ADAM18: variants seen among roughly 807,000 people sequenced by gnomAD.
ADAM18 encodes disintegrin and metalloproteinase domain-containing protein 18.
ADAM18 carries 117 observed loss-of-function variants against 94.4 expected under a neutral mutation model. The ratio of observed to expected loss-of-function variants is 1.24; its 90% CI spans 1.07 to 1.45. The LOEUF (loss-of-function observed/expected upper bound fraction) is 1.45. Ranked by LOEUF, ADAM18 falls within the 40% of genes most tolerant of loss-of-function variation. ADAM18 has a pLI of 0.00. For synonymous variants in ADAM18, 327 were observed against 291.6 expected (o/e 1.12, Z -1.24); for missense variants, 936 against 880.0 (o/e 1.06, Z -0.81).
At position 39,716,249 on chromosome 8, in the gene ADAM18, A is replaced by G. The variant is rs188728611; in HGVS notation, c.2018-7499A>G. Reference sequence around the variant, plus strand: ...TTTCTGCTAATTTTGGGCAAAGTTCATTTTTCTCTTTCTAGTTCTTTGAAG... The same window carrying G: ...TTTCTGCTAATTTTGGGCAAAGTTCGTTTTTCTCTTTCTAGTTCTTTGAAG... On this transcript the variant is annotated intron_variant, in intron 18 of 19. Coordinates refer to ENST00000265707, the MANE Select transcript of ADAM18 (RefSeq NM_014237.3). 9.3e-4 allele frequency among the ~76,000 whole-genome samples: 141 copies of G among 151,232 alleles called. 2 individuals are homozygous for G. The highest frequency in any genetic ancestry group is 6.1e-4 in the Non-Finnish European group (41 of 67,686).
intron 12 of ADAM18, among the ~76,000 whole-genome samples, chr8:39,655,443 TA>T (rs1165840485): frequency 6.6e-6 from 1 of 152,028 alleles, no homozygotes; most frequent in Non-Finnish European, 1.5e-5. Flanking sequence ...TTACAGAATG[TA>T]AAAAAAGTGA....
At chr8:39,591,525 G>A (rs560269186) in intron 2 of ADAM18, among the ~76,000 whole-genome samples, 102 of 152,188 alleles carry the variant, frequency 6.7e-4, no homozygotes, top group Middle Eastern at 3.4e-3. Context: ...ACTCCTCATC[G>A]ATTCAAGTTT....
chr8:39,700,873 G>T (rs1056776311), intron 17 of ADAM18, among the ~76,000 whole-genome samples: 1 of 151,636 alleles, frequency 6.6e-6, no homozygotes, highest in African/African-American at 2.4e-5. Context: ...AATGCACTTT[G>T]GGAGGCCGAG....
intron 18 of ADAM18, among the ~76,000 whole-genome samples, chr8:39,716,161 TTTTG>T (rs139230836): frequency 0.35 from 53,517 of 151,416 alleles, 10,832 homozygotes; most frequent in East Asian, 0.75. Context: ...TTTCACTGAT[TTTTG>T]TTTGTTTGTT....
At chr8:39,721,924 A>T (rs780901777) in intron 18 of ADAM18, among the ~76,000 whole-genome samples, 5 of 151,172 alleles carry the variant, frequency 3.3e-5, no homozygotes, top group Non-Finnish European at 7.4e-5. Context: ...AAGAAGAGAA[A>T]TCATTATACA....
chr8:39,610,849 A>T, intron 6 of ADAM18, 143 bp downstream of exon 6: 1 of 1,274,162 alleles, frequency 7.8e-7, no homozygotes, highest in South Asian at 2.6e-5. Flanking sequence ...AAACATTGAA[A>T]CTTCATCTAA....
chr8:39,729,022 T>C lies in ADAM18; in HGVS notation c.2178-876T>C, dbSNP rs532043766. Among the ~76,000 whole-genome samples, 85 of 152,280 alleles carry C rather than the reference T, an allele frequency of 5.6e-4. 3 individuals are homozygous for C. In the South Asian group the frequency reaches 0.011, roughly 20 times the overall value. On this transcript the variant is annotated intron_variant, in intron 19 of 19. Coordinates refer to ENST00000265707, the MANE Select transcript of ADAM18 (RefSeq NM_014237.3). ...CAGTTTGCCCATATTCTTACTAGGA[T>C]TGTTATTTTCTGCTTTTTTTAAAAA...
At chr8:39,699,366 AT>A (rs1452434064) in intron 17 of ADAM18, among the ~76,000 whole-genome samples, 2 of 151,988 alleles carry the variant, frequency 1.3e-5, no homozygotes, top group Admixed American at 6.6e-5. Flanking sequence ...TTATTGAATT[AT>A]TTTTTATTAT....
At chr8:39,663,017 A>AT (rs2129580058) in intron 12 of ADAM18, among the ~76,000 whole-genome samples, 1 of 152,332 alleles carries the variant, frequency 6.6e-6, no homozygotes, top group Non-Finnish European at 1.5e-5. Context: ...AACATGGTAC[A>AT]TAAATATATA....
At chr8:39,604,384 A>C (rs559251224) in intron 2 of ADAM18, among the ~76,000 whole-genome samples, 1 of 152,138 alleles carries the variant, frequency 6.6e-6, no homozygotes, top group Non-Finnish European at 1.5e-5. Context: ...AAATATACTT[A>C]TATTAAGGTC....
chr8:39,606,754 G>A (rs578046492), intron 3 of ADAM18, among the ~76,000 whole-genome samples: 1 of 152,206 alleles, frequency 6.6e-6, no homozygotes, highest in Admixed American at 6.5e-5. Flanking sequence ...TAATCACCTG[G>A]GGGCAGGCGG....
At chr8:39,708,167 A>T (rs1822292682) in intron 18 of ADAM18, among the ~76,000 whole-genome samples, 1 of 152,198 alleles carries the variant, frequency 6.6e-6, no homozygotes, top group African/African-American at 2.4e-5. Context: ...TTTTTCATTT[A>T]ATATTTTCAG....
chr8:39,597,348 A>G (rs1052233629), intron 2 of ADAM18, among the ~76,000 whole-genome samples: 1 of 152,166 alleles, frequency 6.6e-6, no homozygotes, highest in Admixed American at 6.5e-5. Context: ...AGTCACTGCC[A>G]TAGCTAAGGT....
In ADAM18 at chr8:39,680,072, C is replaced by T; in HGVS notation, c.1667C>T (p.Pro556Leu). ...TGTGGAAAATTAGCTTGTGTTCAGCCACATAAAAATGCTAATAAAAGTGAC... is the reference window on the plus strand; with the variant it reads ...TGTGGAAAATTAGCTTGTGTTCAGCTACATAAAAATGCTAATAAAAGTGAC... Reference protein sequence around the residue: ...VLCGKLACVQPHKNANKSDAQ... With the variant: ...VLCGKLACVQLHKNANKSDAQ... Residue 556 changes from proline to leucine, a missense_variant, in exon 16 of 20, where the codon CCA becomes CTA. Physicochemically the swap from Pro to Leu is moderately conservative, Grantham distance 98. Transcript: ENST00000265707. 1 of 1,613,614 alleles carries T rather than the reference C, an allele frequency of 6.2e-7. No homozygotes were observed. The highest frequency in any genetic ancestry group is 8.5e-7 in the Non-Finnish European group (1 of 1,179,824).
At chr8:39,705,867 T>C (rs1822226485) in intron 17 of ADAM18, among the ~76,000 whole-genome samples, 1 of 152,162 alleles carries the variant, frequency 6.6e-6, no homozygotes, top group African/African-American at 2.4e-5. Context: ...GATGTCTTTA[T>C]ACATACAGGT....
intron 2 of ADAM18, among the ~76,000 whole-genome samples, chr8:39,598,615 A>C (rs975934139): frequency 2.0e-5 from 3 of 151,852 alleles, no homozygotes; most frequent in African/African-American, 7.3e-5. Context: ...TAAAAATATG[A>C]AAATTAACAG....
Position 39,606,373 on chromosome 8 carries a change from A to ATT in ADAM18, c.188+19_188+20dup. ...ACATCTCGGAAAACAGTAAGATATG[A>ATT]TTTTTTTTTCATTAAGGAAAAGGGA... On this transcript the variant is annotated intron_variant, in intron 3 of 19. Coordinates refer to ENST00000265707, the MANE Select transcript of ADAM18 (RefSeq NM_014237.3). 6.6e-7 allele frequency: 1 copy of ATT among 1,512,820 alleles called. No individual in the cohort carries two copies. The highest frequency in any genetic ancestry group is 1.2e-5 in the South Asian group (1 of 80,432). 93.7% of individuals were successfully genotyped at this position (1,512,820 alleles called of 1,614,324 possible).
At position 39,589,047 on chromosome 8, in the gene ADAM18, C is replaced by A. The variant is rs114374000; in HGVS notation, c.132+3695C>A. The stretch of plus-strand genomic sequence containing the variant: ...CTAGCCCAATAAGGGCATATTCAAT[C>A]TTTCTGTTTTTTTGGCTTGGGAGGG... On this transcript the variant is annotated intron_variant, in intron 2 of 19. Transcript: ENST00000265707. Among the ~76,000 whole-genome samples, 887 of 152,272 alleles carry A rather than the reference C, an allele frequency of 5.8e-3. 6 individuals carry two copies. Among genetic ancestry groups the A allele is most frequent in the African/African-American group, 0.02 (842 of 41,566 alleles).
At chr8:39,611,728 G>A (rs1305136370) in intron 6 of ADAM18, among the ~76,000 whole-genome samples, 1 of 151,084 alleles carries the variant, frequency 6.6e-6, no homozygotes, top group African/African-American at 2.4e-5. Flanking sequence ...TCCAACATGT[G>A]GAGAAAAAAA....
Sources: allele counts gnomAD v4.1 joint callset (sites outside exome capture counted in the v4.1 genomes callset), GRCh38; gene constraint gnomAD v4.1.1; transcripts MANE v1.5; gene names NCBI Gene and HGNC (gene_info 2026-07-23, HGNC 2026-07-21).